The following SEMA5A variants were observed in gnomAD, a reference collection of about 807,000 sequenced individuals.
The protein encoded by SEMA5A is semaphorin-5A.
A neutral mutation model predicts 135.5 loss-of-function variants in SEMA5A; 55 were observed. That is an observed-to-expected ratio of 0.41 (90% CI 0.33 to 0.51). The LOEUF (loss-of-function observed/expected upper bound fraction) is 0.51, where lower values mean the gene tolerates loss of function less well. SEMA5A is among the 20% of genes least tolerant of loss of function. The pLI is 0.37. For synonymous variants in SEMA5A, 580 were observed against 546.5 expected, an observed-to-expected ratio of 1.06 and a Z score of -0.85; for missense variants, 1,290 against 1,419.9, an observed-to-expected ratio of 0.91 and a Z score of 1.47.
intron 16 of SEMA5A, among the ~76,000 whole-genome samples, chr5:9,102,703 GAAC>G (rs1337810293): frequency 6.6e-6 from 1 of 151,982 alleles, no homozygotes; most frequent in Non-Finnish European, 1.5e-5. Context: ...ACCAAATTAA[GAAC>G]AATACAATTA....
chr5:9,106,258 G>T (rs1256722192), intron 16 of SEMA5A, among the ~76,000 whole-genome samples: 1 of 152,148 alleles, frequency 6.6e-6, no homozygotes. Context: ...GAAAGCAGTG[G>T]TTACATTTGT....
At position 9,281,823 on chromosome 5, in the gene SEMA5A, CTTTT is replaced by C. The variant is rs66509315; in HGVS notation, c.270+36545_270+36548del. Among the ~76,000 whole-genome samples, 323 of 121,668 alleles carry C rather than the reference CTTTT, an allele frequency of 2.7e-3. 1 individual carries two copies. Among genetic ancestry groups the C allele is most frequent in the African/African-American group, 7.7e-3 (246 of 31,842 alleles). 79.8% of individuals were successfully genotyped at this position (121,668 alleles called of 152,430 possible). On this transcript the variant is annotated intron_variant, in intron 5 of 22. Transcript: ENST00000382496. Reference sequence around the variant, plus strand: ...TCATAACCTCTTTGGGATACAGGCACTTTTTTTTTTTTTTTTTTTGAGACAGAGC... The same window carrying C: ...TCATAACCTCTTTGGGATACAGGCACTTTTTTTTTTTTTTTGAGACAGAGC...
chr5:9,379,768 C>T (rs1339093299), intron 3 of SEMA5A, 55 bp downstream of exon 3: 3 of 1,587,504 alleles, frequency 1.9e-6, no homozygotes, highest in African/African-American at 2.7e-5. Flanking sequence ...TATCACTAAA[C>T]ACAGAATGTG....
intron 1 of SEMA5A, among the ~76,000 whole-genome samples, chr5:9,444,768 G>A (rs747521167): frequency 5.3e-5 from 8 of 152,162 alleles, no homozygotes; most frequent in South Asian, 2.1e-4. Context: ...TGCTGAGAGC[G>A]GAGTTAGAAA....
chr5:9,530,651 T>C (rs775947375), intron 1 of SEMA5A, among the ~76,000 whole-genome samples: 5 of 152,148 alleles, frequency 3.3e-5, no homozygotes, highest in African/African-American at 9.7e-5. Flanking sequence ...TGCCCACATC[T>C]TGAGAAATGC....
At position 9,056,654 on chromosome 5, in the gene SEMA5A, G is replaced by A. The variant is rs148810851; in HGVS notation, c.2519-2397C>T. On this transcript the variant is annotated intron_variant, in intron 18 of 22. Coordinates refer to ENST00000382496, the MANE Select transcript of SEMA5A (RefSeq NM_003966.3). Reference sequence around the variant, plus strand: ...GCAGAATCGCAGGAACCTGTGAGGCGGAGGTTGCGGTGAGCTGAGATGGTG... The same window carrying A: ...GCAGAATCGCAGGAACCTGTGAGGCAGAGGTTGCGGTGAGCTGAGATGGTG... Among the ~76,000 whole-genome samples, 882 of 152,284 alleles carry A rather than the reference G, an allele frequency of 5.8e-3. 4 individuals carry two copies. The highest frequency in any genetic ancestry group is 0.02 in the African/African-American group (835 of 41,558).
Position 9,540,739 on chromosome 5 carries a change from C to T in SEMA5A, c.-175+4845G>A, listed in dbSNP as rs530942781. ...CCCAACCATAAATGTCCCTGGCCTC[C>T]GAAGCGTTCTCTTTCCACAGCAGGT... On this transcript the variant is annotated intron_variant, in intron 1 of 22. Transcript: ENST00000382496. 9.9e-5 allele frequency among the ~76,000 whole-genome samples: 15 copies of T among 152,282 alleles called. No homozygotes were observed. In the East Asian group the frequency reaches 1.2e-3, roughly 12 times the overall value.
intron 4 of SEMA5A, among the ~76,000 whole-genome samples, chr5:9,335,893 G>C (rs1579366521): frequency 6.6e-6 from 1 of 152,116 alleles, no homozygotes; most frequent in Non-Finnish European, 1.5e-5. Flanking sequence ...ATATGCTGGA[G>C]AAATAAAGAA....
At chr5:9,171,816 G>C (rs1374371893) in intron 11 of SEMA5A, among the ~76,000 whole-genome samples, 5 of 152,194 alleles carry the variant, frequency 3.3e-5, no homozygotes, top group Non-Finnish European at 7.3e-5. Flanking sequence ...TGGAGGATGA[G>C]AGGTCAGTGC....
intron 16 of SEMA5A, among the ~76,000 whole-genome samples, chr5:9,079,715 C>T (rs1335060976): frequency 6.6e-6 from 1 of 152,034 alleles, no homozygotes; most frequent in Admixed American, 6.6e-5. Context: ...AAACAAACAA[C>T]CCCATCAAAA....
chr5:9,388,703 T>C lies in SEMA5A; in HGVS notation c.-77-8680A>G, dbSNP rs557686307. On this transcript the variant is annotated intron_variant, in intron 2 of 22. Coordinates refer to ENST00000382496, the MANE Select transcript of SEMA5A (RefSeq NM_003966.3). ...TCATGAGGTCAGAAGATCAAGACCATCCTGGCTAACACAGTGAAACCCCAT... is the reference window on the plus strand; with the variant it reads ...TCATGAGGTCAGAAGATCAAGACCACCCTGGCTAACACAGTGAAACCCCAT... Among the ~76,000 whole-genome samples, 4 of 152,058 alleles carry C rather than the reference T, an allele frequency of 2.6e-5. No individual in the cohort carries two copies. In the South Asian group the frequency reaches 8.3e-4, roughly 32 times the overall value.
At chr5:9,351,469 G>GTT (rs34346753) in intron 3 of SEMA5A, among the ~76,000 whole-genome samples, 15 of 148,454 alleles carry the variant, frequency 1.0e-4, no homozygotes, top group East Asian at 6.0e-4. Context: ...AGCCCCCACC[G>GTT]TTTTTTTTTC....
chr5:9,237,964 G>C lies in SEMA5A; in HGVS notation c.271-74C>G, dbSNP rs182156914. 1.6e-4 allele frequency: 216 copies of C among 1,390,678 alleles called. 4 individuals carry two copies. The East Asian group carries it at 4.6e-3, about 30-fold the overall frequency. 86.1% of individuals were successfully genotyped at this position (1,390,678 alleles called of 1,614,324 possible). On this transcript the variant is annotated intron_variant, in intron 5 of 22. Coordinates refer to ENST00000382496, the MANE Select transcript of SEMA5A (RefSeq NM_003966.3). ...AGGGAAAATATAAACAAGGTAACAA[G>C]GCACTGGTAACCAGATTAGGAAATA... is the stretch of plus-strand genomic sequence containing the variant.
chr5:9,052,514 G>T (rs1162481935), intron 19 of SEMA5A, among the ~76,000 whole-genome samples: 1 of 152,136 alleles, frequency 6.6e-6, no homozygotes, highest in East Asian at 1.9e-4. Context: ...GAGAGTCCTG[G>T]GTTGCTGAAA....
intron 2 of SEMA5A, among the ~76,000 whole-genome samples, chr5:9,380,989 G>GCAA (rs1451134945): frequency 3.3e-5 from 5 of 152,170 alleles, no homozygotes; most frequent in Non-Finnish European, 2.9e-5. Context: ...GAAGAGGTAC[G>GCAA]CAACATGTTT....
At chr5:9,351,972 C>A (rs954618006) in intron 3 of SEMA5A, among the ~76,000 whole-genome samples, 6 of 152,148 alleles carry the variant, frequency 3.9e-5, no homozygotes, top group African/African-American at 1.4e-4. Flanking sequence ...TTCAAGGAGA[C>A]CCCCTTAGCC....
At chr5:9,123,334 T>A (rs1341523254) in intron 13 of SEMA5A, among the ~76,000 whole-genome samples, 3 of 100,554 alleles carry the variant, frequency 3.0e-5, no homozygotes, top group African/African-American at 1.1e-4. Context: ...GCAGCAGAGG[T>A]GATTGCTGGA....
intron 5 of SEMA5A, among the ~76,000 whole-genome samples, chr5:9,296,227 A>G (rs1466656712): frequency 6.6e-6 from 1 of 152,216 alleles, no homozygotes; most frequent in Non-Finnish European, 1.5e-5. Context: ...CTATTAGTGT[A>G]TAAAATGTAT....
At chr5:9,254,016 T>C (rs185450138) in intron 5 of SEMA5A, among the ~76,000 whole-genome samples, 1 of 152,308 alleles carries the variant, frequency 6.6e-6, no homozygotes, top group Admixed American at 6.5e-5. Context: ...ATTCACAACA[T>C]ACAAAATAGA....
Sources: gnomAD v4.1 joint callset for allele counts (sites outside exome capture counted in the v4.1 genomes callset) on GRCh38, gnomAD v4.1.1 for gene constraint, MANE v1.5 for transcripts, NCBI Gene and HGNC (gene_info 2026-07-23, HGNC 2026-07-21) for gene names.